Variants in RETREG1 observed in about 807,000 individuals in gnomAD.
The protein encoded by RETREG1 is family with sequence similarity 134 member B.
In RETREG1, 44 loss-of-function variants were observed where a neutral mutation model predicts 54.8. The observed-to-expected ratio is 0.80, with a 90% CI of 0.63 to 1.03. The LOEUF (loss-of-function observed/expected upper bound fraction) is 1.03, where lower values mean the gene tolerates loss of function less well. Ranked by LOEUF, RETREG1 falls within the 50% of genes least tolerant of loss-of-function variation. RETREG1 has a pLI of 0.00. For missense variants in RETREG1, 554 were observed against 605.1 expected, an observed-to-expected ratio of 0.92 and a Z score of 0.89; for synonymous variants, 217 against 238.5, an observed-to-expected ratio of 0.91 and a Z score of 0.83.
At chr5:16,503,503 C>G (rs924259610) in intron 3 of RETREG1, among the ~76,000 whole-genome samples, 2 of 151,878 alleles carry the variant, frequency 1.3e-5, no homozygotes, top group Non-Finnish European at 2.9e-5. Context: ...CCCATCTCTA[C>G]TAAAAATACC....
intron 3 of RETREG1, among the ~76,000 whole-genome samples, chr5:16,537,682 G>GT (rs1741117094): frequency 2.6e-5 from 4 of 152,110 alleles, no homozygotes; most frequent in African/African-American, 7.2e-5. Flanking sequence ...TGGGGACAGA[G>GT]CAAGACTCTG....
Position 16,510,176 on chromosome 5 carries a change from CT to C in RETREG1, c.459-26705del, listed in dbSNP as rs1740124814. Among the ~76,000 whole-genome samples the C allele has an allele frequency of 3.3e-5, 5 of 152,244 alleles. No individual in the cohort carries two copies. The South Asian group carries it at 1.0e-3, about 32-fold the overall frequency. On this transcript the variant is annotated intron_variant, in intron 3 of 8. Transcript: ENST00000306320. ...TGTCAAAACAAATAATATCTGCTTT[CT>C]TTTGGATAGTGTTAGTTATTTTGTG... is the stretch of plus-strand genomic sequence containing the variant.
chr5:16,554,179 C>T (rs1484227570), intron 3 of RETREG1, among the ~76,000 whole-genome samples: 1 of 152,202 alleles, frequency 6.6e-6, no homozygotes, highest in Non-Finnish European at 1.5e-5. Flanking sequence ...TTCTTCACCC[C>T]AATCCTGTGA....
chr5:16,482,983 A>C, intron 4 of RETREG1: 1 of 205,168 alleles, frequency 4.9e-6, no homozygotes, highest in East Asian at 1.3e-4. Flanking sequence ...CAGTCAAAGA[A>C]CTATGTATTC....
intron 3 of RETREG1, among the ~76,000 whole-genome samples, chr5:16,492,890 TA>T (rs1739305817): frequency 6.6e-6 from 1 of 151,938 alleles, no homozygotes; most frequent in Non-Finnish European, 1.5e-5. Flanking sequence ...TTAAAAAGAG[TA>T]AACACAAGAT....
chr5:16,486,258 A>T (rs1178054666), intron 3 of RETREG1, among the ~76,000 whole-genome samples: 33 of 152,156 alleles, frequency 2.2e-4, no homozygotes, highest in Admixed American at 2.2e-3. Flanking sequence ...ATTTAATCGA[A>T]ATATATATGA....
chr5:16,510,818 C>CAAAAAA (rs57713373), intron 3 of RETREG1, among the ~76,000 whole-genome samples: 13 of 75,466 alleles, frequency 1.7e-4, no homozygotes, highest in Admixed American at 4.7e-4. Context: ...ACAACAACAA[C>CAAAAAA]AAAAAAAAAA....
intron 3 of RETREG1, among the ~76,000 whole-genome samples, chr5:16,513,555 T>C (rs62369678): frequency 0.092 from 13,974 of 152,216 alleles, 738 homozygotes; most frequent in Non-Finnish European, 0.11. Context: ...ACACCAGCCA[T>C]CCGATGGACC....
chr5:16,544,478 C>T (rs998691053), intron 3 of RETREG1, among the ~76,000 whole-genome samples: 3 of 152,092 alleles, frequency 2.0e-5, no homozygotes. Context: ...AATATTGTAT[C>T]TAAGAAATCT....
intron 3 of RETREG1, among the ~76,000 whole-genome samples, chr5:16,541,349 T>A (rs1381532371): frequency 6.6e-6 from 1 of 152,174 alleles, no homozygotes; most frequent in Admixed American, 6.5e-5. Context: ...CCAAGACAAT[T>A]CACTAAAACG....
intron 1 of RETREG1, among the ~76,000 whole-genome samples, chr5:16,577,412 C>A (rs1742357449): frequency 6.6e-6 from 1 of 151,746 alleles, no homozygotes; most frequent in African/African-American, 2.4e-5. Context: ...CACAGACAAT[C>A]CCTGTCTAGT....
chr5:16,592,172 G>C (rs770089992), intron 1 of RETREG1, among the ~76,000 whole-genome samples: 9 of 152,140 alleles, frequency 5.9e-5, no homozygotes, highest in Non-Finnish European at 1.2e-4. Flanking sequence ...CAAGTCCACT[G>C]TACCAAAAAA....
chr5:16,521,761 A>G (rs1740540433), intron 3 of RETREG1, among the ~76,000 whole-genome samples: 1 of 152,200 alleles, frequency 6.6e-6, no homozygotes, highest in African/African-American at 2.4e-5. Flanking sequence ...GATCTTCCTT[A>G]TTGCACTCTG....
intron 1 of RETREG1, among the ~76,000 whole-genome samples, chr5:16,613,223 C>T (rs1471569082): frequency 6.6e-6 from 1 of 152,168 alleles, no homozygotes; most frequent in African/African-American, 2.4e-5. Context: ...TTTCTACCAG[C>T]CCATGCTGCC....
chr5:16,478,216 T>C, intron 6 of RETREG1, 118 bp from the exon 7 acceptor site: 1 of 673,240 alleles, frequency 1.5e-6, no homozygotes, highest in Non-Finnish European at 2.7e-6. Context: ...AAATATATAT[T>C]TCTCATATTC....
intron 3 of RETREG1, among the ~76,000 whole-genome samples, chr5:16,505,317 C>T (rs1169377045): frequency 6.6e-6 from 1 of 152,098 alleles, no homozygotes; most frequent in Admixed American, 6.5e-5. Context: ...TAATCCCCTC[C>T]CCCAGCCTGC....
chr5:16,581,538 C>T (rs1579705432), intron 1 of RETREG1, among the ~76,000 whole-genome samples: 1 of 148,026 alleles, frequency 6.8e-6, no homozygotes, highest in African/African-American at 2.5e-5. Flanking sequence ...CACACACACA[C>T]ACACACACAC....
chr5:16,582,535 G>A (rs146759006), intron 1 of RETREG1, among the ~76,000 whole-genome samples: 85 of 152,164 alleles, frequency 5.6e-4, no homozygotes, highest in African/African-American at 2.0e-3. Context: ...TCTGGGTCAG[G>A]GAAGAATTAA....
chr5:16,525,654 G>A (rs967195582), intron 3 of RETREG1, among the ~76,000 whole-genome samples: 1 of 152,096 alleles, frequency 6.6e-6, no homozygotes, highest in African/African-American at 2.4e-5. Context: ...AAAACTAGGG[G>A]ATCAATTTAA....
Sources: gnomAD v4.1 joint callset for allele counts (sites outside exome capture counted in the v4.1 genomes callset) on GRCh38, gnomAD v4.1.1 for gene constraint, MANE v1.5 for transcripts, NCBI Gene and HGNC (gene_info 2026-07-23, HGNC 2026-07-21) for gene names.